The following TMEM132C variants were observed in gnomAD, a reference collection of about 807,000 sequenced individuals.
TMEM132C encodes the protein transmembrane protein 132C.
Under a neutral mutation model 61.4 loss-of-function variants are expected in TMEM132C, and 29 were observed. The ratio of observed to expected loss-of-function variants is 0.47; its 90% confidence interval spans 0.35 to 0.64. The LOEUF (loss-of-function observed/expected upper bound fraction) is 0.64. TMEM132C is among the 30% of genes least tolerant of loss of function. The pLI, the probability that TMEM132C is intolerant of heterozygous loss-of-function variation, is 0.00. For synonymous variants in TMEM132C, 656 were observed against 633.1 expected, an observed-to-expected ratio of 1.04 and a Z score of -0.54; for missense variants, 1,408 against 1,476.9, an observed-to-expected ratio of 0.95 and a Z score of 0.76.
At chr12:128,337,221 A>G (rs757305721) in intron 1 of TMEM132C, among the ~76,000 whole-genome samples, 29 of 152,104 alleles carry the variant, frequency 1.9e-4, no homozygotes, top group Non-Finnish European at 4.0e-4. Flanking sequence ...TGTTTCTGCA[A>G]CATTTTGCCT....
At chr12:128,504,972 C>CTTACTACTTTACGTAGTAAGTAAGATTAT (rs1872309209) in intron 2 of TMEM132C, among the ~76,000 whole-genome samples, 1 of 151,922 alleles carries the variant, frequency 6.6e-6, no homozygotes, top group Admixed American at 6.5e-5. Flanking sequence ...GGGGACTTTA[C>CTTACTACTTTACGTAGTAAGTAAGATTAT]TTACTACTTT....
intron 1 of TMEM132C, among the ~76,000 whole-genome samples, chr12:128,366,124 G>A (rs1873860693): frequency 6.6e-6 from 1 of 152,200 alleles, no homozygotes; most frequent in Non-Finnish European, 1.5e-5. Context: ...CAAGGATGAG[G>A]CGCCTGCTCG....
At chr12:128,663,920 A>C (rs1324898854) in intron 4 of TMEM132C, among the ~76,000 whole-genome samples, 1 of 143,740 alleles carries the variant, frequency 7.0e-6, no homozygotes, top group East Asian at 2.1e-4. Context: ...AGGCACACAC[A>C]CCTGCACGCA....
At chr12:128,481,372 G>T (rs760506581) in intron 2 of TMEM132C, among the ~76,000 whole-genome samples, 2 of 152,202 alleles carry the variant, frequency 1.3e-5, no homozygotes, top group African/African-American at 4.8e-5. Context: ...AATGGGGACA[G>T]GACGTCCACC....
intron 1 of TMEM132C, among the ~76,000 whole-genome samples, chr12:128,386,804 AT>A (rs1445148980): frequency 3.9e-5 from 6 of 152,140 alleles, no homozygotes; most frequent in African/African-American, 7.2e-5. Flanking sequence ...GATGCTCAGT[AT>A]TTGTTGAGTG....
intron 3 of TMEM132C, among the ~76,000 whole-genome samples, chr12:128,556,881 C>A (rs1489286530): frequency 3.9e-5 from 6 of 152,084 alleles, no homozygotes; most frequent in African/African-American, 1.4e-4. Flanking sequence ...GCCAAAGACA[C>A]CCAGCTAAGC....
intron 2 of TMEM132C, among the ~76,000 whole-genome samples, chr12:128,418,028 C>T (rs570791411): frequency 3.3e-5 from 5 of 152,256 alleles, no homozygotes; most frequent in African/African-American, 7.2e-5. Context: ...CCCTCCCTTC[C>T]GATCTTTGCC....
intron 4 of TMEM132C, among the ~76,000 whole-genome samples, chr12:128,624,136 T>C (rs746110448): frequency 1.3e-5 from 2 of 152,072 alleles, no homozygotes; most frequent in Admixed American, 6.5e-5. Flanking sequence ...AGTATAGAAA[T>C]TGGGCGCTCA....
chr12:128,642,497 C>T (rs1362415644), intron 4 of TMEM132C, among the ~76,000 whole-genome samples: 4 of 152,090 alleles, frequency 2.6e-5, no homozygotes, highest in Admixed American at 6.6e-5. Context: ...TCATGGGGAC[C>T]GATCCCTCAT....
In TMEM132C at chr12:128,692,225, T is replaced by G. The variant is rs893849523; in HGVS notation, c.1450-1604T>G. Among the ~76,000 whole-genome samples the G allele has an allele frequency of 5.3e-5, 8 of 152,376 alleles. No homozygotes were observed. The South Asian group carries it at 1.0e-3, about 20-fold the overall frequency. On this transcript the variant is annotated intron_variant, in intron 5 of 8. Coordinates refer to ENST00000435159, the MANE Select transcript of TMEM132C (RefSeq NM_001136103.3). ...GTTCATCCTTTCCTCCATCTGTCCA[T>G]CTGTCTATGCATCAGTGTGTGCATT... is the stretch of plus-strand genomic sequence containing the variant.
intron 2 of TMEM132C, among the ~76,000 whole-genome samples, chr12:128,513,658 G>C (rs985236781): frequency 7.2e-5 from 11 of 152,286 alleles, no homozygotes; most frequent in African/African-American, 2.6e-4. Flanking sequence ...CTTGAGAAGA[G>C]GGGGAAAGCT....
rs897119022 is a variant in TMEM132C at position 128,447,888 on chromosome 12, G to A, written c.974+32268G>A. Among the ~76,000 whole-genome samples, 20 of 108,198 alleles carry A rather than the reference G, an allele frequency of 1.8e-4. 3 individuals carry two copies. Among genetic ancestry groups the A allele is most frequent in the South Asian group, 7.8e-4 (3 of 3,836 alleles). 71.0% of individuals were successfully genotyped at this position (108,198 alleles called of 152,430 possible). A position where few individuals can be genotyped will look rare whatever the true frequency, so the allele number is the denominator to read the frequency against. On this transcript the variant is annotated intron_variant, in intron 2 of 8. Transcript: ENST00000435159. The stretch of plus-strand genomic sequence containing the variant: ...ACTACAGGCGCCCGCCACCGCGCCC[G>A]GCTAATTTTTTGTATTTTTAGTAGA...
At chr12:128,328,849 C>T (rs1303665895) in intron 1 of TMEM132C, among the ~76,000 whole-genome samples, 1 of 141,856 alleles carries the variant, frequency 7.0e-6, no homozygotes, top group Non-Finnish European at 1.5e-5. Flanking sequence ...ACCTGTAAAA[C>T]ACCGTTGTGA....
At chr12:128,692,699 G>A (rs962619368) in intron 5 of TMEM132C, among the ~76,000 whole-genome samples, 7 of 152,116 alleles carry the variant, frequency 4.6e-5, no homozygotes, top group African/African-American at 1.7e-4. Flanking sequence ...CCTCATTGTT[G>A]TCCACATTGC....
Position 128,611,638 on chromosome 12 carries a change from A to G in TMEM132C, c.1122-4514A>G, listed in dbSNP as rs573619162. ...GCAAACTATAAAATGCTTTTGCCAG[A>G]ATATGTAGATACTGGAGGGAAACCT... On this transcript the variant is annotated intron_variant, in intron 3 of 8. Coordinates refer to ENST00000435159, the MANE Select transcript of TMEM132C (RefSeq NM_001136103.3). Among the ~76,000 whole-genome samples, 10 of 152,340 alleles carry G rather than the reference A, an allele frequency of 6.6e-5. No individual in the cohort carries two copies. In the South Asian group the frequency reaches 2.1e-3, roughly 32 times the overall value.
At chr12:128,621,761 T>C (rs1953965211) in intron 4 of TMEM132C, among the ~76,000 whole-genome samples, 2 of 152,280 alleles carry the variant, frequency 1.3e-5, no homozygotes, top group Non-Finnish European at 2.9e-5. Context: ...TTTTCTGTGG[T>C]TCTCCTCTCT....
rs140584108 is a variant in TMEM132C, at chr12:128,693,890, C to T, written c.1511C>T (p.Ala504Val). 14,231 of 1,551,766 alleles carry T rather than the reference C, an allele frequency of 9.2e-3. 72 individuals are homozygous for T. The highest frequency in any genetic ancestry group is 0.01 in the Non-Finnish European group (12,042 of 1,147,010). The change falls in exon 6 of 9, where the codon GCG becomes GTG. Residue 504 changes from alanine to valine, a missense_variant. Transcript: ENST00000435159. Reference protein sequence around the residue: ...NGKEIKGKMDAVVNFTYQYLS... With the variant: ...NGKEIKGKMDVVVNFTYQYLS... Reference sequence around the variant, plus strand: ...AAAGAGATCAAAGGAAAGATGGATGCGGTGGTGAACTTCACATACCAGTAC... The same window carrying T: ...AAAGAGATCAAAGGAAAGATGGATGTGGTGGTGAACTTCACATACCAGTAC...
At chr12:128,319,204 A>G (rs966584534) in intron 1 of TMEM132C, among the ~76,000 whole-genome samples, 1 of 152,226 alleles carries the variant, frequency 6.6e-6, no homozygotes, top group Non-Finnish European at 1.5e-5. Flanking sequence ...TAGAGAAGGA[A>G]TTACAAGAAA....
intron 2 of TMEM132C, among the ~76,000 whole-genome samples, chr12:128,473,875 C>T (rs1370134164): frequency 6.6e-6 from 1 of 152,194 alleles, no homozygotes; most frequent in East Asian, 1.9e-4. Context: ...AACTTACTTA[C>T]ATCTGCAAAA....
Sources: gnomAD v4.1 joint callset for allele counts (sites outside exome capture counted in the v4.1 genomes callset) on GRCh38, gnomAD v4.1.1 for gene constraint, MANE v1.5 for transcripts, NCBI Gene and HGNC (gene_info 2026-07-23, HGNC 2026-07-21) for gene names.